NAALADL2: variants seen among roughly 807,000 people sequenced by gnomAD.
The protein encoded by NAALADL2 is inactive N-acetylated-alpha-linked acidic dipeptidase-like protein 2.
A neutral mutation model predicts 87.2 loss-of-function variants in NAALADL2; 76 were observed. The ratio of observed to expected loss-of-function variants is 0.87; its 90% CI spans 0.72 to 1.05. NAALADL2 has a LOEUF of 1.05. NAALADL2 is among the 50% of genes least tolerant of loss of function. The probability of loss-of-function intolerance (pLI) is 0.00; values close to 1 mark genes in which losing one functional copy is unlikely to be tolerated. For missense variants in NAALADL2, 1,089 were observed against 945.8 expected, an observed-to-expected ratio of 1.15 and a Z score of -1.99; for synonymous variants, 354 against 331.0, an observed-to-expected ratio of 1.07 and a Z score of -0.75.
intron 3 of NAALADL2, among the ~76,000 whole-genome samples, chr3:174,786,023 T>A (rs749375177): frequency 2.6e-5 from 4 of 152,188 alleles, no homozygotes; most frequent in Non-Finnish European, 4.4e-5. Context: ...AGCTGTGGCA[T>A]CTTTATACCA....
Position 175,206,262 on chromosome 3 carries a change from A to ATTTT in NAALADL2, c.546-27661_546-27658dup, listed in dbSNP as rs372246885. On this transcript the variant is annotated intron_variant, in intron 2 of 13. Transcript: ENST00000454872. ...TAAAAAACTATATATATATATATATATTTTTTTTTTTCACTGTGTGTGTGT... is the reference window on the plus strand; with the variant it reads ...TAAAAAACTATATATATATATATATATTTTTTTTTTTTTTTCACTGTGTGTGTGT... Among the ~76,000 whole-genome samples, 348 of 103,142 alleles carry ATTTT rather than the reference A, an allele frequency of 3.4e-3. 15 individuals carry two copies. The highest frequency in any genetic ancestry group is 0.015 in the African/African-American group (323 of 20,984). The allele number at this position is 103,142 out of a possible 152,430, so 67.7% of individuals were successfully genotyped here. A position where few individuals can be genotyped will look rare whatever the true frequency, so the allele number is the denominator to read the frequency against.
intron 2 of NAALADL2, among the ~76,000 whole-genome samples, chr3:175,104,217 A>G (rs1177359405): frequency 2.0e-5 from 3 of 152,130 alleles, no homozygotes; most frequent in Non-Finnish European, 2.9e-5. Context: ...AAGACAGCTG[A>G]CGACTTATAC....
chr3:175,526,809 G>T (rs1482544508), intron 9 of NAALADL2, among the ~76,000 whole-genome samples: 1 of 152,084 alleles, frequency 6.6e-6, no homozygotes, highest in Non-Finnish European at 1.5e-5. Context: ...GGGGAAAACC[G>T]AGAGCATTAC....
intron 2 of NAALADL2, among the ~76,000 whole-genome samples, chr3:174,702,463 T>A (rs1578602664): frequency 6.6e-6 from 1 of 152,286 alleles, no homozygotes; most frequent in East Asian, 1.9e-4. Flanking sequence ...AATCAGCAGG[T>A]ACAAAAAATG....
At chr3:175,546,898 A>G (rs1713430566) in intron 9 of NAALADL2, among the ~76,000 whole-genome samples, 1 of 152,134 alleles carries the variant, frequency 6.6e-6, no homozygotes, top group East Asian at 1.9e-4. Context: ...ACTACAAACC[A>G]CTGCTCAAAT....
In NAALADL2 at chr3:175,181,713, G is replaced by GCATATATA. The variant is rs1736524805; in HGVS notation, c.546-52218_546-52217insCATATATA. 1.6e-4 allele frequency among the ~76,000 whole-genome samples: 6 copies of GCATATATA among 37,050 alleles called. No homozygotes were observed. The South Asian group carries it at 3.3e-3, about 20-fold the overall frequency. 24.3% of individuals were successfully genotyped at this position (37,050 alleles called of 152,430 possible). On this transcript the variant is annotated intron_variant, in intron 2 of 13. Transcript: ENST00000454872. ...TATATATATATATATATGTGTGTGT[G>GCATATATA]TGTGTATATATATGTATATATGTGT...
intron 13 of NAALADL2, among the ~76,000 whole-genome samples, chr3:175,779,986 G>C (rs1050013087): frequency 3.3e-5 from 5 of 152,122 alleles, no homozygotes; most frequent in African/African-American, 9.6e-5. Flanking sequence ...CAAATAGTCA[G>C]GGCCGGGCGC....
At chr3:175,446,905 A>G (rs534290515) in intron 5 of NAALADL2, among the ~76,000 whole-genome samples, 44 of 152,226 alleles carry the variant, frequency 2.9e-4, no homozygotes, top group Middle Eastern at 3.4e-3. Context: ...TCTTATTACT[A>G]TCTATTCTCC....
intron 1 of NAALADL2, among the ~76,000 whole-genome samples, chr3:175,052,728 T>A (rs1208024335): frequency 6.6e-6 from 1 of 152,228 alleles, no homozygotes; most frequent in South Asian, 2.1e-4. Context: ...TTCTAGATAC[T>A]TTTTTATTCT....
intron 3 of NAALADL2, among the ~76,000 whole-genome samples, chr3:174,765,021 G>T (rs886956661): frequency 6.6e-6 from 1 of 151,514 alleles, no homozygotes; most frequent in African/African-American, 2.4e-5. Context: ...TTCTGTGACA[G>T]CATTAAAATA....
At chr3:174,589,265 T>A (rs1187966106) in intron 2 of NAALADL2, among the ~76,000 whole-genome samples, 2 of 152,154 alleles carry the variant, frequency 1.3e-5, no homozygotes, top group Non-Finnish European at 2.9e-5. Flanking sequence ...ATTTTCCAGG[T>A]ACCATCTGTC....
At chr3:175,309,070 G>T (rs952806190) in intron 4 of NAALADL2, among the ~76,000 whole-genome samples, 7 of 152,150 alleles carry the variant, frequency 4.6e-5, no homozygotes, top group Admixed American at 2.6e-4. Context: ...TTCAAGAGGG[G>T]TTGAGAAATT....
intron 1 of NAALADL2, among the ~76,000 whole-genome samples, chr3:174,488,294 T>G (rs913611031): frequency 6.6e-5 from 10 of 152,046 alleles, no homozygotes; most frequent in Admixed American, 1.3e-4. Flanking sequence ...ATTCAGCTGT[T>G]TTATTTAACT....
intron 9 of NAALADL2, among the ~76,000 whole-genome samples, chr3:175,530,015 G>A (rs1264623215): frequency 1.3e-5 from 2 of 152,142 alleles, no homozygotes; most frequent in Non-Finnish European, 2.9e-5. Context: ...TGGCAAATTG[G>A]GCACTCAGCA....
chr3:175,046,623 A>G (rs1295709101), intron 1 of NAALADL2, among the ~76,000 whole-genome samples: 1 of 152,194 alleles, frequency 6.6e-6, no homozygotes, highest in Non-Finnish European at 1.5e-5. Context: ...TGCGACAGCA[A>G]TAAGCATACT....
chr3:175,251,397 G>A (rs537805594), intron 3 of NAALADL2, among the ~76,000 whole-genome samples: 5 of 152,248 alleles, frequency 3.3e-5, no homozygotes, highest in South Asian at 2.1e-4. Flanking sequence ...GAACTAAGTC[G>A]CACGTCTCAA....
At chr3:175,117,117 T>G (rs1438177734) in intron 2 of NAALADL2, among the ~76,000 whole-genome samples, 2 of 152,112 alleles carry the variant, frequency 1.3e-5, no homozygotes, top group African/African-American at 4.8e-5. Flanking sequence ...TAATTCAAGA[T>G]GAACTAAAGA....
intron 1 of NAALADL2, among the ~76,000 whole-genome samples, chr3:174,472,998 A>G (rs1717000642): frequency 6.6e-6 from 1 of 152,196 alleles, no homozygotes; most frequent in Admixed American, 6.6e-5. Context: ...ATTTCTTCTG[A>G]CAGAAGCATT....
At chr3:174,893,289 A>G (rs1379292469) in intron 1 of NAALADL2, among the ~76,000 whole-genome samples, 1 of 150,280 alleles carries the variant, frequency 6.7e-6, no homozygotes, top group African/African-American at 2.5e-5. Flanking sequence ...TCCTACAAGA[A>G]ATATCAAAGG....
Sources: allele counts gnomAD v4.1 joint callset (sites outside exome capture counted in the v4.1 genomes callset), GRCh38; gene constraint gnomAD v4.1.1; transcripts MANE v1.5; gene names NCBI Gene and HGNC (gene_info 2026-07-23, HGNC 2026-07-21).